POC1B: variants seen among roughly 807,000 people sequenced by gnomAD.
POC1B encodes the protein POC1 centriolar protein homolog B.
In POC1B, 44 loss-of-function variants were observed where a neutral mutation model predicts 60.6. That is an observed-to-expected ratio of 0.73 (90% CI 0.57 to 0.93). POC1B has a LOEUF of 0.93. Ranked by LOEUF, POC1B falls within the 40% of genes least tolerant of loss-of-function variation. The pLI, the probability that POC1B is intolerant of heterozygous loss-of-function variation, is 0.00. For synonymous variants in POC1B, 180 were observed against 198.9 expected (o/e 0.90, Z 0.80); for missense variants, 555 against 572.3 (o/e 0.97, Z 0.31).
At chr12:89,426,537 G>T (rs894496612) in intron 10 of POC1B, 7 of 152,076 alleles carry the variant, frequency 4.6e-5, no homozygotes, top group African/African-American at 1.7e-4. Flanking sequence ...GTTAACAAAA[G>T]AAATGTAAGG....
At chr12:89,524,713 G>T in intron 2 of POC1B, 1 of 724,550 alleles carries the variant, frequency 1.4e-6, no homozygotes, top group Non-Finnish European at 2.3e-6. Flanking sequence ...GGTCACCTGA[G>T]CCCTCTCGGT....
intron 9 of POC1B, 155 bp from the exon 10 acceptor site, chr12:89,459,873 G>T: frequency 2.1e-6 from 1 of 481,666 alleles, no homozygotes; most frequent in Non-Finnish European, 3.7e-6. Flanking sequence ...TAAGCTAAAT[G>T]TTAGCCTACC....
intron 10 of POC1B, among the ~76,000 whole-genome samples, chr12:89,455,031 A>G (rs1366876040): frequency 6.7e-6 from 1 of 150,224 alleles, no homozygotes; most frequent in East Asian, 1.9e-4. Flanking sequence ...TTCTGAAGCA[A>G]CTACTTATAC....
chr12:89,424,948 TGTGA>T (rs1565891581), intron 11 of POC1B, among the ~76,000 whole-genome samples: 1 of 152,150 alleles, frequency 6.6e-6, no homozygotes, highest in Non-Finnish European at 1.5e-5. Context: ...GCTTAAGCTG[TGTGA>T]GTGTGTGTGT....
chr12:89,500,402 A>G (rs1402845413), intron 2 of POC1B: 2 of 1,515,480 alleles, frequency 1.3e-6, no homozygotes, highest in Non-Finnish European at 9.2e-7. Context: ...TGTAGAACCA[A>G]GTGAAGCCAC....
chr12:89,505,346 A>C (rs1432528201), intron 2 of POC1B, among the ~76,000 whole-genome samples: 1 of 152,216 alleles, frequency 6.6e-6, no homozygotes, highest in Non-Finnish European at 1.5e-5. Flanking sequence ...AGAAATTCTT[A>C]TGTATGGTTA....
rs980702780 is a variant in POC1B at position 89,503,647 on chromosome 12, C to T, written c.101-6305G>A. Among the ~76,000 whole-genome samples the T allele has an allele frequency of 2.0e-5, 3 of 149,570 alleles. No homozygotes were observed. The East Asian group carries it at 6.0e-4, about 30-fold the overall frequency. On this transcript the variant is annotated intron_variant, in intron 2 of 11. Transcript: ENST00000313546. ...TGAGATGTGGGGAGCGCCTCTGCCC[C>T]GCCACCCCATCTGGGATGTGAGGAG...
intron 2 of POC1B, chr12:89,521,098 A>ATTTTTTTTT: frequency 8.8e-6 from 1 of 113,250 alleles, no homozygotes; most frequent in Non-Finnish European, 1.8e-5. Context: ...CAGCTCACTT[A>ATTTTTTTTT]TTTTATTATT....
chr12:89,413,779 T>C, the POC1B span, among the ~76,000 whole-genome samples: 1 of 152,318 alleles, frequency 6.6e-6, no homozygotes, highest in African/African-American at 2.4e-5. Context: ...ATATGTTAAG[T>C]CTGCCTTATT....
chr12:89,406,384 T>C, the POC1B span, among the ~76,000 whole-genome samples: 1 of 152,216 alleles, frequency 6.6e-6, no homozygotes, highest in Non-Finnish European at 1.5e-5. Flanking sequence ...CTAATCATAT[T>C]GCACATAGAG....
At position 89,468,924 on chromosome 12, in the gene POC1B, G is replaced by A. The variant is rs189796312; in HGVS notation, c.811-1239C>T. Among the ~76,000 whole-genome samples, 36 of 152,054 alleles carry A rather than the reference G, an allele frequency of 2.4e-4. No individual in the cohort carries two copies. In the East Asian group the frequency reaches 5.8e-3, roughly 24 times the overall value. On this transcript the variant is annotated intron_variant, in intron 7 of 11. Transcript: ENST00000313546. Reference sequence around the variant, plus strand: ...GAGGATGCATTCTAAAAAATTCAGAGAAGTTTGAATATTGTCTGGAAGAAA... The same window carrying A: ...GAGGATGCATTCTAAAAAATTCAGAAAAGTTTGAATATTGTCTGGAAGAAA...
chr12:89,448,833 T>C (rs547479732), intron 10 of POC1B, among the ~76,000 whole-genome samples: 4 of 152,328 alleles, frequency 2.6e-5, no homozygotes, highest in Admixed American at 2.0e-4. Context: ...GTCTGGTGTG[T>C]GCCAAGGATT....
At chr12:89,505,907 T>C (rs528291482) in intron 2 of POC1B, among the ~76,000 whole-genome samples, 1 of 152,232 alleles carries the variant, frequency 6.6e-6, no homozygotes, top group South Asian at 2.1e-4. Flanking sequence ...AATCAAGATA[T>C]ACTGTAGGGT....
chr12:89,510,314 C>T (rs1189875127), intron 2 of POC1B, among the ~76,000 whole-genome samples: 1 of 152,178 alleles, frequency 6.6e-6, no homozygotes, highest in African/African-American at 2.4e-5. Context: ...AAGACCTGGC[C>T]TTTCTGGTGT....
intron 4 of POC1B, among the ~76,000 whole-genome samples, chr12:89,484,874 G>A (rs371572667): frequency 2.6e-5 from 4 of 152,348 alleles, no homozygotes; most frequent in African/African-American, 9.6e-5. Context: ...TCACTGGCAG[G>A]TGCGTGGATG....
At chr12:89,506,800 G>A (rs1016938987) in intron 2 of POC1B, among the ~76,000 whole-genome samples, 1 of 152,066 alleles carries the variant, frequency 6.6e-6, no homozygotes, top group Non-Finnish European at 1.5e-5. Flanking sequence ...AGGTTCCAGC[G>A]GGGCTTCCTG....
chr12:89,517,854 G>A (rs1870526546), intron 2 of POC1B, among the ~76,000 whole-genome samples: 1 of 152,132 alleles, frequency 6.6e-6, no homozygotes, highest in Non-Finnish European at 1.5e-5. Flanking sequence ...GCACACAGTA[G>A]CCTTAACTAA....
chr12:89,444,201 TC>T (rs1881663194), intron 10 of POC1B, among the ~76,000 whole-genome samples: 1 of 152,184 alleles, frequency 6.6e-6, no homozygotes, highest in Non-Finnish European at 1.5e-5. Context: ...TACCATTCCT[TC>T]TGAAACTATT....
chr12:89,502,088 C>T (rs1869601406), intron 2 of POC1B: 7 of 1,096,254 alleles, frequency 6.4e-6, no homozygotes, highest in South Asian at 3.7e-5. Context: ...AGTGGATATA[C>T]ATGTAATACA....
Sources: gnomAD v4.1 joint callset for allele counts (sites outside exome capture counted in the v4.1 genomes callset) on GRCh38, gnomAD v4.1.1 for gene constraint, MANE v1.5 for transcripts, NCBI Gene and HGNC (gene_info 2026-07-23, HGNC 2026-07-21) for gene names.